The following BTBD8 variants were observed in gnomAD, a reference collection of about 807,000 sequenced individuals.
The protein encoded by BTBD8 is BTB domain containing 8.
BTBD8 carries 110 observed loss-of-function variants against 162.9 expected under a neutral mutation model. That is an observed-to-expected ratio of 0.68 (90% CI 0.58 to 0.79). The LOEUF is 0.79. BTBD8 is among the 30% of genes least tolerant of loss of function. The pLI is 0.00. For synonymous variants in BTBD8, 667 were observed against 716.1 expected (o/e 0.93, Z 1.10); for missense variants, 1,905 against 2,085.4 (o/e 0.91, Z 1.68).
chr1:92,156,844 T>C (rs1406431805), intron 9 of BTBD8, among the ~76,000 whole-genome samples: 2 of 152,062 alleles, frequency 1.3e-5, no homozygotes, highest in African/African-American at 2.4e-5. Context: ...TTTTTCTTAG[T>C]ATAAAGGATT....
chr1:92,184,136 A>G lies in BTBD8; in HGVS notation c.5185A>G (p.Ile1729Val). ...PEDLSLAQYL[I>V]NQTLLLARDS... ...AGACTTAAGTTTAGCACAGTATCTA[A>G]TCAATCAGACACTACTTTTAGCACG... Residue 1729 changes from isoleucine (I) to valine (V), a missense_variant, in exon 18 of 18, where the codon ATC (isoleucine) becomes GTC (valine). Physicochemically the swap from Ile to Val is conservative, Grantham distance 29 (BLOSUM62 3). This residue lies in a region of BTBD8 where 517 missense variants were observed against 606.6 expected (regional missense o/e 0.85). Coordinates refer to ENST00000636805, the MANE Select transcript of BTBD8 (RefSeq NM_001376131.1). 1 of 1,551,636 alleles carries G rather than the reference A, an allele frequency of 6.4e-7. No homozygotes were observed.
chr1:92,158,167 G>A (rs770206981), intron 9 of BTBD8, among the ~76,000 whole-genome samples: 2 of 152,002 alleles, frequency 1.3e-5, no homozygotes, highest in South Asian at 4.2e-4. Context: ...TATATCATTG[G>A]ATCTTGTTTT....
chr1:92,177,695 G>T (rs1457395082), intron 14 of BTBD8, 116 bp from the exon 15 acceptor site: 2 of 832,698 alleles, frequency 2.4e-6, no homozygotes, highest in Non-Finnish European at 3.9e-6. Context: ...AGAGAAAATG[G>T]TAGTCCTTCC....
chr1:92,153,058 T>C (rs1650082760), intron 9 of BTBD8, among the ~76,000 whole-genome samples: 1 of 151,964 alleles, frequency 6.6e-6, no homozygotes, highest in Non-Finnish European at 1.5e-5. Flanking sequence ...GCAAGCAGTC[T>C]TTTTTTTAGC....
chr1:92,131,749 T>G (rs543660180), intron 5 of BTBD8, among the ~76,000 whole-genome samples: 1 of 151,122 alleles, frequency 6.6e-6, no homozygotes, highest in African/African-American at 2.4e-5. Context: ...ACCACACACA[T>G]TATGTAATGA....
In BTBD8 at chr1:92,102,597, T is replaced by C. The variant is rs1464415835; in HGVS notation, c.472T>C (p.Ser158Pro). ...CAGTTTTCCAAAGTGTGAAAACTCATCTGATTGTTCTCTTCAGAAGCATGA... is the reference window on the plus strand; with the variant it reads ...CAGTTTTCCAAAGTGTGAAAACTCACCTGATTGTTCTCTTCAGAAGCATGA... ...DISFPKCENS[S>P]DCSLQKHEIP... Residue 158 changes from serine (S) to proline (P), a missense_variant, in exon 3 of 18, where the codon TCT becomes CCT. By Grantham distance (74) the Ser-to-Pro change is moderately conservative (BLOSUM62 -1). This residue lies in a region of BTBD8 where 1,374 missense variants were observed against 1,442.7 expected (regional missense o/e 0.95). Coordinates refer to ENST00000636805, the MANE Select transcript of BTBD8 (RefSeq NM_001376131.1). 1 of 1,595,528 alleles carries C rather than the reference T, an allele frequency of 6.3e-7. No homozygotes were observed. Among genetic ancestry groups the C allele is most frequent in the South Asian group, 1.2e-5 (1 of 86,880 alleles).
chr1:92,183,189 A>T (rs1048625482), intron 17 of BTBD8, among the ~76,000 whole-genome samples: 2 of 152,172 alleles, frequency 1.3e-5, no homozygotes, highest in East Asian at 1.9e-4. Flanking sequence ...GGCTTATTTC[A>T]TATTGTTTAG....
intron 4 of BTBD8, among the ~76,000 whole-genome samples, chr1:92,113,751 G>A (rs532654356): frequency 3.3e-5 from 5 of 151,804 alleles, no homozygotes; most frequent in East Asian, 1.9e-4. Context: ...GGTGGCTCAC[G>A]CCTGTAATCC....
intron 1 of BTBD8, among the ~76,000 whole-genome samples, chr1:92,087,714 T>C (rs1052103149): frequency 2.0e-5 from 3 of 152,218 alleles, no homozygotes; most frequent in Non-Finnish European, 4.4e-5. Context: ...AGCCATTAAC[T>C]TGGTCCTGGG....
intron 5 of BTBD8, among the ~76,000 whole-genome samples, chr1:92,134,770 T>C (rs12074384): frequency 0.021 from 3,242 of 152,160 alleles, 129 homozygotes; most frequent in African/African-American, 0.074. Flanking sequence ...GAACAAAGAA[T>C]GAGTGAATGA....
intron 4 of BTBD8, among the ~76,000 whole-genome samples, chr1:92,127,026 A>G (rs1337992716): frequency 6.6e-6 from 1 of 152,138 alleles, no homozygotes; most frequent in East Asian, 1.9e-4. Context: ...ATCAGTGGGT[A>G]TGATAAGTTT....
chr1:92,166,899 G>A, intron 9 of BTBD8, 59 bp from the exon 10 acceptor site: 1 of 1,454,898 alleles, frequency 6.9e-7, no homozygotes, highest in Non-Finnish European at 9.2e-7. Flanking sequence ...GATTTGCTTA[G>A]AGAGTTATTT....
intron 4 of BTBD8, chr1:92,126,405 C>G: frequency 4.7e-6 from 4 of 849,368 alleles, no homozygotes; most frequent in Non-Finnish European, 5.6e-6. Flanking sequence ...TGCTCTTGCC[C>G]AGGCTCAGAC....
chr1:92,179,369 GAA>G (rs1650819881), intron 16 of BTBD8, among the ~76,000 whole-genome samples: 1 of 152,190 alleles, frequency 6.6e-6, no homozygotes, highest in Admixed American at 6.5e-5. Context: ...TTCTGAAAAC[GAA>G]AAGAGTACTG....
At chr1:92,143,901 C>T (rs1209014730) in intron 7 of BTBD8, among the ~76,000 whole-genome samples, 3 of 145,988 alleles carry the variant, frequency 2.1e-5, no homozygotes, top group East Asian at 2.0e-4. Context: ...AAAATTTTTG[C>T]TTTATATTTC....
chr1:92,100,687 G>A (rs1159657613), intron 2 of BTBD8, among the ~76,000 whole-genome samples: 1 of 151,992 alleles, frequency 6.6e-6, no homozygotes, highest in Non-Finnish European at 1.5e-5. Context: ...TCGGCTCACT[G>A]CAAGCTCTGC....
At chr1:92,125,835 G>A (rs3891664) in intron 4 of BTBD8, 2 of 407,006 alleles carry the variant, frequency 4.9e-6, no homozygotes, top group South Asian at 4.4e-5. Context: ...AGGTGATGAA[G>A]GGGATAACTT....
intron 16 of BTBD8, among the ~76,000 whole-genome samples, chr1:92,178,794 T>G (rs1232208420): frequency 6.6e-6 from 1 of 152,098 alleles, no homozygotes; most frequent in Non-Finnish European, 1.5e-5. Context: ...TGGCCTCTGT[T>G]TGGTTTTCAT....
intron 2 of BTBD8, among the ~76,000 whole-genome samples, chr1:92,089,700 C>G (rs1374446367): frequency 1.3e-5 from 2 of 152,166 alleles, no homozygotes; most frequent in African/African-American, 4.8e-5. Context: ...GCACTAATCT[C>G]ATTCATGAGG....
Sources: gnomAD v4.1 joint callset for allele counts (sites outside exome capture counted in the v4.1 genomes callset) on GRCh38, gnomAD v4.1.1 for gene constraint, gnomAD v4.1.1 regional missense constraint, MANE v1.5 for transcripts, NCBI Gene and HGNC (gene_info 2026-07-23, HGNC 2026-07-21) for gene names.